The following PACRG variants were observed in gnomAD, a reference collection of about 807,000 sequenced individuals.
The protein encoded by PACRG is parkin coregulated gene protein.
A neutral mutation model predicts 29.7 loss-of-function variants in PACRG; 29 were observed. The observed-to-expected ratio is 0.98, with a 90% CI of 0.73 to 1.33. PACRG has a LOEUF of 1.33. PACRG is among the 40% of genes most tolerant of loss of function. The pLI is 0.00. For synonymous variants in PACRG, 116 were observed against 118.7 expected (o/e 0.98, Z 0.15); for missense variants, 279 against 316.2 (o/e 0.88, Z 0.89).
chr6:162,928,903 A>G (rs1015800970), intron 2 of PACRG, among the ~76,000 whole-genome samples: 1 of 152,050 alleles, frequency 6.6e-6, no homozygotes, highest in African/African-American at 2.4e-5. Flanking sequence ...ATTACTTAAC[A>G]TAATGACCAT....
intron 4 of PACRG, among the ~76,000 whole-genome samples, chr6:163,147,118 A>T (rs982099370): frequency 6.6e-6 from 1 of 152,106 alleles, no homozygotes; most frequent in Non-Finnish European, 1.5e-5. Flanking sequence ...ATCCTCCTTC[A>T]TTAGCTTACA....
intron 2 of PACRG, among the ~76,000 whole-genome samples, chr6:163,012,716 A>C (rs2128212401): frequency 6.6e-6 from 1 of 152,350 alleles, no homozygotes; most frequent in Admixed American, 6.5e-5. Context: ...GGACTGAAAC[A>C]GTATGGTTAT....
intron 4 of PACRG, among the ~76,000 whole-genome samples, chr6:163,129,978 C>T (rs1253488711): frequency 6.6e-6 from 1 of 152,162 alleles, no homozygotes; most frequent in Non-Finnish European, 1.5e-5. Flanking sequence ...GAGATTAACA[C>T]CAATCTGGCA....
intron 4 of PACRG, among the ~76,000 whole-genome samples, chr6:163,272,198 C>T (rs1783856886): frequency 6.6e-6 from 1 of 151,990 alleles, no homozygotes; most frequent in Non-Finnish European, 1.5e-5. Context: ...GCCACCATGC[C>T]CAGCTAATTT....
chr6:162,728,503 C>T (rs1779461257), intron 1 of PACRG, 112 bp downstream of exon 1: 2 of 1,317,494 alleles, frequency 1.5e-6, no homozygotes, highest in Non-Finnish European at 2.1e-6. Flanking sequence ...GTGGTCTTTG[C>T]CAAAAAAGGC....
At chr6:163,081,767 T>G (rs752837861) in intron 3 of PACRG, among the ~76,000 whole-genome samples, 2 of 151,550 alleles carry the variant, frequency 1.3e-5, no homozygotes, top group African/African-American at 2.4e-5. Flanking sequence ...GAAAAAAAAG[T>G]GGGGGGGAGT....
At chr6:162,988,544 A>G (rs1053563482) in intron 2 of PACRG, among the ~76,000 whole-genome samples, 7 of 152,202 alleles carry the variant, frequency 4.6e-5, no homozygotes, top group African/African-American at 1.4e-4. Context: ...AGGATCAGCT[A>G]TGTTCTACAG....
intron 3 of PACRG, among the ~76,000 whole-genome samples, chr6:163,073,929 G>A (rs1034568525): frequency 6.6e-6 from 1 of 152,168 alleles, no homozygotes; most frequent in Non-Finnish European, 1.5e-5. Flanking sequence ...ACAGGCAATA[G>A]CAAATGTTGG....
chr6:162,738,757 A>G (rs927098475), intron 1 of PACRG, among the ~76,000 whole-genome samples: 1 of 152,204 alleles, frequency 6.6e-6, no homozygotes, highest in Admixed American at 6.5e-5. Flanking sequence ...GCATGTATGT[A>G]TAGAGCTTTG....
intron 1 of PACRG, among the ~76,000 whole-genome samples, chr6:162,774,924 G>T (rs962494229): frequency 1.3e-5 from 2 of 152,122 alleles, no homozygotes; most frequent in Non-Finnish European, 2.9e-5. Flanking sequence ...TTGTTTTGCT[G>T]GTAGTCAGTG....
At chr6:162,962,936 T>C (rs6918472) in intron 2 of PACRG, among the ~76,000 whole-genome samples, 23,676 of 152,098 alleles carry the variant, frequency 0.16, 3,238 homozygotes, top group African/African-American at 0.36. Flanking sequence ...TCTTGTGTTC[T>C]TCATCTCATA....
At chr6:163,028,980 G>C (rs956800267) in intron 2 of PACRG, among the ~76,000 whole-genome samples, 2 of 152,222 alleles carry the variant, frequency 1.3e-5, no homozygotes, top group Non-Finnish European at 2.9e-5. Flanking sequence ...TACGTTAACA[G>C]GTCTTGAGAT....
At chr6:163,036,732 C>T (rs1808221563) in intron 2 of PACRG, among the ~76,000 whole-genome samples, 1 of 152,154 alleles carries the variant, frequency 6.6e-6, no homozygotes. Flanking sequence ...ATGTGTTTTG[C>T]AGAAATTTCC....
intron 4 of PACRG, among the ~76,000 whole-genome samples, chr6:163,102,008 G>T (rs1205507562): frequency 6.6e-6 from 1 of 152,162 alleles, no homozygotes; most frequent in Admixed American, 6.5e-5. Flanking sequence ...ACACTATGCG[G>T]CCACACAGTC....
At chr6:162,896,194 G>A (rs1049980946) in intron 2 of PACRG, among the ~76,000 whole-genome samples, 7 of 152,156 alleles carry the variant, frequency 4.6e-5, no homozygotes, top group African/African-American at 1.2e-4. Flanking sequence ...ACGTGAGATC[G>A]TTTGGCCACA....
intron 2 of PACRG, among the ~76,000 whole-genome samples, chr6:162,856,632 G>C (rs918898090): frequency 6.6e-6 from 1 of 152,190 alleles, no homozygotes; most frequent in Non-Finnish European, 1.5e-5. Flanking sequence ...GGTCTTGAAG[G>C]AGCACCAGAT....
intron 4 of PACRG, among the ~76,000 whole-genome samples, chr6:163,261,895 G>C (rs1007942864): frequency 3.3e-5 from 5 of 152,178 alleles, no homozygotes; most frequent in Admixed American, 3.3e-4. Flanking sequence ...TTGAGCATCT[G>C]TGGATTTTAG....
rs377352285 is a variant in PACRG at position 162,747,474 on chromosome 6, C to CTATATATATATATATATA, written c.156+19085_156+19102dup. On this transcript the variant is annotated intron_variant, in intron 1 of 4. Coordinates refer to ENST00000366888, the MANE Select transcript of PACRG (RefSeq NM_001080379.2). ...TATAACTATAAATATATATGTAAAACTATATATATATATATATATTCCATT... is the reference window on the plus strand; with the variant it reads ...TATAACTATAAATATATATGTAAAACTATATATATATATATATATATATATATATATATATATTCCATT... Among the ~76,000 whole-genome samples, 261 of 44,750 alleles carry CTATATATATATATATATA rather than the reference C, an allele frequency of 5.8e-3. 26 individuals are homozygous for CTATATATATATATATATA. Among genetic ancestry groups the CTATATATATATATATATA allele is most frequent in the African/African-American group, 7.7e-3 (95 of 12,366 alleles). 29.4% of individuals were successfully genotyped at this position (44,750 alleles called of 152,430 possible).
intron 2 of PACRG, among the ~76,000 whole-genome samples, chr6:162,974,010 C>G (rs916873061): frequency 6.6e-6 from 1 of 152,016 alleles, no homozygotes; most frequent in Non-Finnish European, 1.5e-5. Flanking sequence ...TCTCAGGTAC[C>G]CTTTTTCATT....
Sources: allele counts gnomAD v4.1 joint callset (sites outside exome capture counted in the v4.1 genomes callset), GRCh38; gene constraint gnomAD v4.1.1; transcripts MANE v1.5; gene names NCBI Gene and HGNC (gene_info 2026-07-23, HGNC 2026-07-21).